SPAG16: variants seen among roughly 807,000 people sequenced by gnomAD.
SPAG16 encodes sperm associated antigen 16, also known as sperm-associated antigen 16 protein.
SPAG16 carries 86 observed loss-of-function variants against 80.4 expected under a neutral mutation model. The ratio of observed to expected loss-of-function variants is 1.07; its 90% CI spans 0.90 to 1.28. The LOEUF (loss-of-function observed/expected upper bound fraction) is 1.28. Ranked by LOEUF, SPAG16 falls within the 50% of genes most tolerant of loss-of-function variation. SPAG16 has a pLI of 0.00. For missense variants in SPAG16, 870 were observed against 765.3 expected, an observed-to-expected ratio of 1.14 and a Z score of -1.61; for synonymous variants, 294 against 265.9, an observed-to-expected ratio of 1.11 and a Z score of -1.03.
intron 12 of SPAG16, among the ~76,000 whole-genome samples, chr2:213,964,365 G>A (rs1231374683): frequency 1.3e-5 from 2 of 151,928 alleles, no homozygotes; most frequent in African/African-American, 2.4e-5. Context: ...GATGTCACTT[G>A]TTTTCAGCCT....
chr2:213,822,031 C>T (rs761342345), intron 10 of SPAG16, among the ~76,000 whole-genome samples: 4 of 152,082 alleles, frequency 2.6e-5, no homozygotes, highest in Admixed American at 6.6e-5. Context: ...ATATTTTTTC[C>T]ATATACTGCT....
chr2:213,686,217 C>T (rs1455050545), intron 10 of SPAG16, among the ~76,000 whole-genome samples: 1 of 152,176 alleles, frequency 6.6e-6, no homozygotes, highest in East Asian at 1.9e-4. Flanking sequence ...CTCCCCGGTT[C>T]AAGTGATTCT....
intron 10 of SPAG16, among the ~76,000 whole-genome samples, chr2:213,563,741 T>TA (rs978836808): frequency 6.6e-6 from 1 of 152,232 alleles, no homozygotes; most frequent in African/African-American, 2.4e-5. Flanking sequence ...GTATATGGTC[T>TA]TTGTTTTTCT....
intron 9 of SPAG16, among the ~76,000 whole-genome samples, chr2:213,378,226 GC>G (rs2066992813): frequency 6.6e-6 from 1 of 151,990 alleles, no homozygotes; most frequent in Non-Finnish European, 1.5e-5. Flanking sequence ...GTCTTTCCCA[GC>G]CCACTGACTC....
At chr2:214,289,399 G>C (rs1424846142) in intron 15 of SPAG16, among the ~76,000 whole-genome samples, 10 of 152,082 alleles carry the variant, frequency 6.6e-5, no homozygotes, top group African/African-American at 2.4e-4. Flanking sequence ...CATGGATCTT[G>C]AGTTAATTTT....
chr2:213,421,346 C>G (rs1191200298), intron 9 of SPAG16, among the ~76,000 whole-genome samples: 4 of 152,348 alleles, frequency 2.6e-5, no homozygotes, highest in Middle Eastern at 3.4e-3. Flanking sequence ...TTGGCCCCCT[C>G]CAGACATTGG....
intron 12 of SPAG16, among the ~76,000 whole-genome samples, chr2:213,944,442 T>C (rs2079352454): frequency 6.6e-6 from 1 of 152,242 alleles, no homozygotes; most frequent in Non-Finnish European, 1.5e-5. Flanking sequence ...ATATTTATCC[T>C]ATGCCTATCC....
At chr2:213,887,112 G>T (rs969406314) in intron 11 of SPAG16, among the ~76,000 whole-genome samples, 14 of 152,008 alleles carry the variant, frequency 9.2e-5, no homozygotes, top group African/African-American at 3.1e-4. Context: ...TCTTCAGTCT[G>T]TCTTACCCTA....
At chr2:213,747,809 A>G (rs2067897458) in intron 10 of SPAG16, among the ~76,000 whole-genome samples, 1 of 152,210 alleles carries the variant, frequency 6.6e-6, no homozygotes, top group Non-Finnish European at 1.5e-5. Context: ...TCTTTAAGGG[A>G]TACATGACTA....
chr2:214,010,150 AAGC>A (rs1408418491), intron 12 of SPAG16, among the ~76,000 whole-genome samples: 4 of 146,442 alleles, frequency 2.7e-5, no homozygotes, highest in Non-Finnish European at 5.9e-5. Context: ...TGCAAATAAA[AAGC>A]AGACTGAAAA....
At chr2:214,164,894 A>T (rs181517565) in intron 15 of SPAG16, among the ~76,000 whole-genome samples, 1 of 152,238 alleles carries the variant, frequency 6.6e-6, no homozygotes, top group East Asian at 1.9e-4. Context: ...CTGCTAAGAG[A>T]CAGCAATTAA....
At chr2:214,133,456 C>T (rs562801059) in intron 14 of SPAG16, among the ~76,000 whole-genome samples, 118 of 152,040 alleles carry the variant, frequency 7.8e-4, no homozygotes, top group African/African-American at 2.7e-3. Context: ...GTCAGGAGTT[C>T]GAGACCAGCC....
At chr2:213,803,192 A>G (rs765379268) in intron 10 of SPAG16, among the ~76,000 whole-genome samples, 2 of 152,236 alleles carry the variant, frequency 1.3e-5, no homozygotes, top group Non-Finnish European at 2.9e-5. Flanking sequence ...ATAGTCAATT[A>G]TAGACATGAG....
chr2:214,366,030 G>A (rs1009970040), intron 15 of SPAG16, among the ~76,000 whole-genome samples: 1 of 150,864 alleles, frequency 6.6e-6, no homozygotes, highest in Non-Finnish European at 1.5e-5. Flanking sequence ...CCAGGCCAGA[G>A]TGCAGTGGTA....
intron 11 of SPAG16, among the ~76,000 whole-genome samples, chr2:213,904,709 A>G (rs568782909): frequency 6.6e-6 from 1 of 152,110 alleles, no homozygotes; most frequent in South Asian, 2.1e-4. Flanking sequence ...TAAAGGTCTA[A>G]ATGAAGGGAA....
At chr2:214,338,375 A>G (rs1697444212) in intron 15 of SPAG16, among the ~76,000 whole-genome samples, 1 of 151,996 alleles carries the variant, frequency 6.6e-6, no homozygotes, top group African/African-American at 2.4e-5. Flanking sequence ...TTAGTCGGGC[A>G]TGGTGGTGCA....
chr2:213,521,696 C>CA lies in SPAG16; in HGVS notation c.1070+31613dup, dbSNP rs557548076. Among the ~76,000 whole-genome samples, 82 of 152,130 alleles carry CA rather than the reference C, an allele frequency of 5.4e-4. 1 individual carries two copies. In the East Asian group the frequency reaches 9.6e-3, roughly 18 times the overall value. On this transcript the variant is annotated intron_variant, in intron 10 of 15. Coordinates refer to ENST00000331683, the MANE Select transcript of SPAG16 (RefSeq NM_024532.5). Reference sequence around the variant, plus strand: ...GTCTGCAGAAGGCCAATGTCAATATCAAAAAAACTCTTATTTTAGAAATGT... The same window carrying CA: ...GTCTGCAGAAGGCCAATGTCAATATCAAAAAAAACTCTTATTTTAGAAATGT...
At chr2:213,556,062 G>T (rs1320266079) in intron 10 of SPAG16, among the ~76,000 whole-genome samples, 1 of 151,790 alleles carries the variant, frequency 6.6e-6, no homozygotes, top group Non-Finnish European at 1.5e-5. Flanking sequence ...TAAGCAAAAT[G>T]CAAAACCTAT....
chr2:213,942,283 A>C (rs892272245), intron 12 of SPAG16, among the ~76,000 whole-genome samples: 2 of 152,098 alleles, frequency 1.3e-5, no homozygotes, highest in Non-Finnish European at 2.9e-5. Flanking sequence ...TATAACCTCA[A>C]CTCACAAGTT....
Sources: allele counts gnomAD v4.1 joint callset (sites outside exome capture counted in the v4.1 genomes callset), GRCh38; gene constraint gnomAD v4.1.1; transcripts MANE v1.5; gene names NCBI Gene and HGNC (gene_info 2026-07-23, HGNC 2026-07-21).